MAD1L1: variants seen among roughly 807,000 people sequenced by gnomAD.
MAD1L1 encodes mitotic spindle assembly checkpoint protein MAD1.
A neutral mutation model predicts 96.9 loss-of-function variants in MAD1L1; 95 were observed. That is an observed-to-expected ratio of 0.98 (90% confidence interval 0.83 to 1.16). The LOEUF (loss-of-function observed/expected upper bound fraction) is 1.16. Among genes scored for constraint, MAD1L1 ranks in the 50% most tolerant of loss-of-function variants. MAD1L1 has a pLI of 0.00. For missense variants in MAD1L1, 1,007 were observed against 954.4 expected, an observed-to-expected ratio of 1.06 and a Z score of -0.73; for synonymous variants, 473 against 396.6, an observed-to-expected ratio of 1.19 and a Z score of -2.29.
chr7:2,060,215 TTACGCCGATGCCGAGA>T (rs1210270680), intron 12 of MAD1L1, among the ~76,000 whole-genome samples: 5,831 of 54,438 alleles, frequency 0.11, 517 homozygotes, highest in African/African-American at 0.3. Flanking sequence ...AGATGCCAAG[TTACGCCGATGCCGAGA>T]TACGCCGATG....
chr7:2,046,408 G>A (rs890766670), intron 12 of MAD1L1, among the ~76,000 whole-genome samples: 1 of 151,490 alleles, frequency 6.6e-6, no homozygotes, highest in Non-Finnish European at 1.5e-5. Context: ...CGGCGCCCGT[G>A]CCCACCCAAC....
At chr7:2,044,879 G>A (rs1396157876) in intron 12 of MAD1L1, among the ~76,000 whole-genome samples, 1 of 152,058 alleles carries the variant, frequency 6.6e-6, no homozygotes, top group East Asian at 1.9e-4. Context: ...GGGGAGCCCA[G>A]GGGAGGCAAC....
intron 10 of MAD1L1, among the ~76,000 whole-genome samples, chr7:2,183,114 C>G (rs1308671792): frequency 1.3e-5 from 2 of 151,516 alleles, no homozygotes; most frequent in African/African-American, 4.9e-5. Context: ...CCAAGCTACT[C>G]AGGAAGCTGG....
At chr7:2,040,169 C>T (rs1018245273) in intron 12 of MAD1L1, among the ~76,000 whole-genome samples, 3 of 152,186 alleles carry the variant, frequency 2.0e-5, no homozygotes, top group African/African-American at 7.2e-5. Context: ...GTGAAATGAA[C>T]AAACTCCTGA....
intron 11 of MAD1L1, among the ~76,000 whole-genome samples, chr7:2,072,415 C>T (rs914394708): frequency 3.3e-5 from 5 of 152,208 alleles, no homozygotes; most frequent in Non-Finnish European, 7.3e-5. Context: ...TGGCCAGCGG[C>T]CCCCCTGCCC....
chr7:2,156,881 A>G (rs562614653), intron 10 of MAD1L1, among the ~76,000 whole-genome samples: 1 of 152,234 alleles, frequency 6.6e-6, no homozygotes, highest in African/African-American at 2.4e-5. Context: ...AAATAGGGGA[A>G]AGTCTAAGCA....
chr7:2,194,372 TAA>T (rs1791881849), intron 10 of MAD1L1, among the ~76,000 whole-genome samples: 1 of 152,172 alleles, frequency 6.6e-6, no homozygotes, highest in African/African-American at 2.4e-5. Flanking sequence ...GTCTTGAAAA[TAA>T]AGTCTTACTG....
intron 11 of MAD1L1, among the ~76,000 whole-genome samples, chr7:2,134,647 A>C (rs56092517): frequency 0.017 from 2,532 of 152,316 alleles, 70 homozygotes; most frequent in African/African-American, 0.058. Context: ...AAAAAGAAAA[A>C]TCTGCCCATT....
intron 10 of MAD1L1, among the ~76,000 whole-genome samples, chr7:2,181,127 G>A (rs1241444850): frequency 6.6e-6 from 1 of 152,190 alleles, no homozygotes; most frequent in South Asian, 2.1e-4. Context: ...GAATTTCTAT[G>A]TGGTTTCTCC....
intron 10 of MAD1L1, among the ~76,000 whole-genome samples, chr7:2,170,673 A>G (rs115454813): frequency 1.0e-3 from 155 of 152,316 alleles, no homozygotes; most frequent in African/African-American, 3.2e-3. Flanking sequence ...GCAAAAGTGA[A>G]GCCAGGGACG....
chr7:2,010,310 G>A (rs1782238118), intron 13 of MAD1L1, among the ~76,000 whole-genome samples: 1 of 152,124 alleles, frequency 6.6e-6, no homozygotes, highest in South Asian at 2.1e-4. Context: ...AGGAAGGGAA[G>A]ACGGAAACAC....
At chr7:1,922,492 G>C (rs926497644) in intron 17 of MAD1L1, among the ~76,000 whole-genome samples, 45 of 152,336 alleles carry the variant, frequency 3.0e-4, no homozygotes, top group African/African-American at 1.1e-3. Flanking sequence ...AGCTCAGCAA[G>C]GTTGCAGGAT....
chr7:1,843,669 C>T (rs1287380932), intron 18 of MAD1L1, among the ~76,000 whole-genome samples: 3 of 152,192 alleles, frequency 2.0e-5, no homozygotes, highest in South Asian at 2.1e-4. Flanking sequence ...AAACCAAGGC[C>T]GGGAGGAGAC....
intron 15 of MAD1L1, among the ~76,000 whole-genome samples, chr7:1,965,049 C>T (rs537461670): frequency 1.3e-5 from 2 of 152,258 alleles, no homozygotes; most frequent in African/African-American, 4.8e-5. Context: ...CATTTTACTT[C>T]TCTGTCCCCT....
In MAD1L1 at chr7:2,225,412, C is replaced by G. The variant is rs781540281; in HGVS notation, c.289G>C (p.Glu97Gln). 1 of 1,613,986 alleles carries G rather than the reference C, an allele frequency of 6.2e-7. No homozygotes were observed. The change falls in exon 4 of 19, where the codon GAG (glutamate) becomes CAG (glutamine). Residue 97 changes from glutamate to glutamine, a missense_variant and splice_region_variant. Physicochemically the swap from Glu to Gln is conservative, Grantham distance 29. Transcript: ENST00000265854. Reference sequence around the variant, plus strand: ...ACCCTCGCCCCGCCTGAACCCACCTCGTAGTTCCTGGCACTGGTGCTGGCT... The same window carrying G: ...ACCCTCGCCCCGCCTGAACCCACCTGGTAGTTCCTGGCACTGGTGCTGGCT... Reference protein sequence around the residue: ...RAASTSARNYEREVDRNQELL... With the variant: ...RAASTSARNYQREVDRNQELL...
intron 14 of MAD1L1, among the ~76,000 whole-genome samples, chr7:1,994,288 G>C (rs3957488): frequency 0.015 from 2,346 of 152,354 alleles, 34 homozygotes; most frequent in Non-Finnish European, 0.02. Context: ...CGTGAAGGCA[G>C]GGAGGGAAGA....
At chr7:2,212,358 G>A (rs746722384) in intron 10 of MAD1L1, among the ~76,000 whole-genome samples, 43 of 152,184 alleles carry the variant, frequency 2.8e-4, no homozygotes, top group African/African-American at 7.0e-4. Context: ...CCAGACAATC[G>A]TCTTCCACTA....
In MAD1L1 at chr7:1,980,472, C is replaced by T. The variant is rs1562580429; in HGVS notation, c.1486G>A (p.Glu496Lys). The T allele has an allele frequency of 6.2e-7, 1 of 1,612,646 alleles. No homozygotes were observed. The highest frequency in any genetic ancestry group is 8.5e-7 in the Non-Finnish European group (1 of 1,179,616). The change falls in exon 15 of 19, where the codon GAG (glutamate) becomes AAG (lysine). Residue 496 changes from glutamate to lysine, a missense_variant. By Grantham distance (56) the Glu-to-Lys change is moderately conservative. Transcript: ENST00000265854. Reference sequence around the variant, plus strand: ...ACGTACCTGAGCGTGTCCGCCTCCTCCCTGGAGAACAGGAAGCTCTGTTCG... The same window carrying T: ...ACGTACCTGAGCGTGTCCGCCTCCTTCCTGGAGAACAGGAAGCTCTGTTCG... The part of the protein sequence containing the change: ...SAEQSFLFSR[E>K]EADTLRLKVE...
At chr7:2,026,531 G>C (rs538706992) in intron 12 of MAD1L1, among the ~76,000 whole-genome samples, 2 of 152,308 alleles carry the variant, frequency 1.3e-5, no homozygotes, top group South Asian at 4.1e-4. Context: ...TTACAAAACT[G>C]ACTTCCGATG....
Sources: allele counts gnomAD v4.1 joint callset (sites outside exome capture counted in the v4.1 genomes callset), GRCh38; gene constraint gnomAD v4.1.1; transcripts MANE v1.5; gene names NCBI Gene and HGNC (gene_info 2026-07-23, HGNC 2026-07-21).